The following TP63 variants were observed in gnomAD, a reference collection of about 807,000 sequenced individuals.
TP63 encodes the protein tumor protein p63.
TP63 carries 17 observed loss-of-function variants against 82.8 expected under a neutral mutation model. The ratio of observed to expected loss-of-function variants is 0.21; its 90% confidence interval spans 0.14 to 0.31. The LOEUF is 0.31. Ranked by LOEUF, TP63 falls within the 10% of genes least tolerant of loss-of-function variation. TP63 has a pLI of 1.00. For synonymous variants in TP63, 330 were observed against 321.7 expected (o/e 1.03, Z -0.28); for missense variants, 648 against 895.3 (o/e 0.72, Z 3.52).
intron 1 of TP63, among the ~76,000 whole-genome samples, chr3:189,707,240 T>A (rs1021530566): frequency 6.6e-6 from 1 of 152,240 alleles, no homozygotes; most frequent in Non-Finnish European, 1.5e-5. Context: ...TCTTGCTAAA[T>A]GCTTGCATAG....
chr3:189,829,906 G>GTAAAT (rs1712048062), intron 4 of TP63: 2 of 391,598 alleles, frequency 5.1e-6, no homozygotes, highest in African/African-American at 4.5e-5. Context: ...TTTTTCTGCA[G>GTAAAT]TAAATTTGTA....
At chr3:189,622,845 C>A in the TP63 span, among the ~76,000 whole-genome samples, 1 of 152,166 alleles carries the variant, frequency 6.6e-6, no homozygotes, top group African/African-American at 2.4e-5. Context: ...TTCTAGCCAT[C>A]TACTTCGCAT....
chr3:189,765,433 C>CTTTTTTTTTTTTCTTTTTTTT (rs1722876066), intron 3 of TP63, among the ~76,000 whole-genome samples: 1 of 30,088 alleles, frequency 3.3e-5, no homozygotes, highest in East Asian at 9.9e-4. Flanking sequence ...CTGTCCTCTG[C>CTTTTTTTTTTTTCTTTTTTTT]TTTTTTTTTT....
chr3:189,848,876 C>A (rs913447153), intron 4 of TP63, among the ~76,000 whole-genome samples: 1 of 152,132 alleles, frequency 6.6e-6, no homozygotes, highest in African/African-American at 2.4e-5. Context: ...CAAAATGCTG[C>A]CTTTTTTGTA....
intron 4 of TP63, among the ~76,000 whole-genome samples, chr3:189,824,352 C>T (rs1729116294): frequency 1.3e-5 from 2 of 152,022 alleles, no homozygotes; most frequent in South Asian, 2.1e-4. Flanking sequence ...CCTGCCTCAG[C>T]CTCCCCAGTA....
chr3:189,602,444 A>T, the TP63 span, among the ~76,000 whole-genome samples: 1 of 152,142 alleles, frequency 6.6e-6, no homozygotes, highest in Non-Finnish European at 1.5e-5. Context: ...AAGAGTGCAG[A>T]GGCTAAGAAA....
intron 1 of TP63, among the ~76,000 whole-genome samples, chr3:189,732,948 C>T (rs1720281889): frequency 6.6e-6 from 1 of 152,014 alleles, no homozygotes; most frequent in Admixed American, 6.6e-5. Flanking sequence ...AAATTAGGAA[C>T]TAGGAAGTAC....
chr3:189,751,420 A>C (rs1383246450), intron 3 of TP63, among the ~76,000 whole-genome samples: 1 of 152,150 alleles, frequency 6.6e-6, no homozygotes, highest in Non-Finnish European at 1.5e-5. Flanking sequence ...GGTTGAACTA[A>C]TTTACACTCC....
chr3:189,603,128 C>T, the TP63 span, among the ~76,000 whole-genome samples: 1 of 152,084 alleles, frequency 6.6e-6, no homozygotes, highest in Non-Finnish European at 1.5e-5. Flanking sequence ...AGGTTGAAAA[C>T]CAGTTATATA....
At chr3:189,636,511 G>C (rs929098283) in intron 1 of TP63, among the ~76,000 whole-genome samples, 1 of 152,104 alleles carries the variant, frequency 6.6e-6, no homozygotes, top group Non-Finnish European at 1.5e-5. Context: ...GGTTCTTGGA[G>C]ATTGTGATTT....
intron 1 of TP63, among the ~76,000 whole-genome samples, chr3:189,635,136 A>G (rs1311881678): frequency 2.0e-5 from 3 of 152,114 alleles, no homozygotes; most frequent in African/African-American, 7.2e-5. Context: ...AATATTTTGT[A>G]TTGTTTCTTC....
At chr3:189,831,900 C>T (rs948823300) in intron 4 of TP63, among the ~76,000 whole-genome samples, 13 of 128,852 alleles carry the variant, frequency 1.0e-4, no homozygotes, top group Non-Finnish European at 1.9e-4. Flanking sequence ...CGTGATATCT[C>T]GGCTCACTGC....
At chr3:189,659,573 A>T (rs905182576) in intron 1 of TP63, among the ~76,000 whole-genome samples, 3 of 152,044 alleles carry the variant, frequency 2.0e-5, no homozygotes, top group Non-Finnish European at 4.4e-5. Flanking sequence ...TTGTGTATGT[A>T]CTCAGTAATG....
the TP63 span, among the ~76,000 whole-genome samples, chr3:189,614,340 G>T: frequency 1.3e-5 from 2 of 152,266 alleles, no homozygotes; most frequent in South Asian, 2.1e-4. Context: ...CTGCCACCAT[G>T]TAAGAAGTGC....
chr3:189,671,159 A>C (rs559905842), intron 1 of TP63, among the ~76,000 whole-genome samples: 1 of 152,238 alleles, frequency 6.6e-6, no homozygotes, highest in African/African-American at 2.4e-5. Flanking sequence ...TCCAGAATAT[A>C]CGAAAAATTC....
intron 4 of TP63, among the ~76,000 whole-genome samples, chr3:189,846,447 T>G (rs928269617): frequency 6.6e-6 from 1 of 152,172 alleles, no homozygotes; most frequent in Non-Finnish European, 1.5e-5. Flanking sequence ...CAAGGAAATT[T>G]GGTTGAAGAT....
At chr3:189,846,846 C>G (rs1404164080) in intron 4 of TP63, among the ~76,000 whole-genome samples, 1 of 151,586 alleles carries the variant, frequency 6.6e-6, no homozygotes, top group Non-Finnish European at 1.5e-5. Flanking sequence ...ATCACCACAC[C>G]TAATTTTTAT....
At chr3:189,879,126 C>T (rs1719620373) in intron 10 of TP63, among the ~76,000 whole-genome samples, 2 of 152,176 alleles carry the variant, frequency 1.3e-5, no homozygotes, top group African/African-American at 4.8e-5. Flanking sequence ...ACATTGCTTC[C>T]CCATCCATTT....
At chr3:189,697,920 C>A (rs1717513432) in intron 1 of TP63, among the ~76,000 whole-genome samples, 1 of 151,844 alleles carries the variant, frequency 6.6e-6, no homozygotes. Context: ...TTATTAGTTT[C>A]AAGAGGTACC....
Sources: gnomAD v4.1 joint callset for allele counts (sites outside exome capture counted in the v4.1 genomes callset) on GRCh38, gnomAD v4.1.1 for gene constraint, MANE v1.5 for transcripts, NCBI Gene and HGNC (gene_info 2026-07-23, HGNC 2026-07-21) for gene names.